The following PHACTR3 variants were observed in gnomAD, a reference collection of about 807,000 sequenced individuals.
PHACTR3 encodes protein phosphatase 1, regulatory subunit 123.
PHACTR3 carries 16 observed loss-of-function variants against 66.8 expected under a neutral mutation model. That is an observed-to-expected ratio of 0.24 (90% CI 0.16 to 0.36). The LOEUF (loss-of-function observed/expected upper bound fraction) is 0.36. Among genes scored for constraint, PHACTR3 ranks in the 10% least tolerant of loss-of-function variants. The probability of loss-of-function intolerance (pLI) is 1.00; values close to 1 mark genes in which losing one functional copy is unlikely to be tolerated. For missense variants in PHACTR3, 647 were observed against 719.9 expected, an observed-to-expected ratio of 0.90 and a Z score of 1.16; for synonymous variants, 323 against 292.1, an observed-to-expected ratio of 1.11 and a Z score of -1.08.
chr20:59,676,338 G>C (rs1446766528), intron 1 of PHACTR3, among the ~76,000 whole-genome samples: 1 of 152,200 alleles, frequency 6.6e-6, no homozygotes, highest in African/African-American at 2.4e-5. Context: ...AGTGCTGAGT[G>C]ACACGTCTCG....
chr20:59,828,399 C>T (rs56327478), intron 8 of PHACTR3, among the ~76,000 whole-genome samples: 9,249 of 152,250 alleles, frequency 0.061, 797 homozygotes, highest in African/African-American at 0.19. Flanking sequence ...TGTGCTGTGT[C>T]ACCCAATCCA....
intron 1 of PHACTR3, among the ~76,000 whole-genome samples, chr20:59,654,595 A>G (rs2035556751): frequency 6.6e-6 from 1 of 152,168 alleles, no homozygotes; most frequent in African/African-American, 2.4e-5. Flanking sequence ...CTAAAAAATT[A>G]AGCCTGAATG....
In PHACTR3 at chr20:59,780,248, G is replaced by C. The variant is rs950152336; in HGVS notation, c.1174+5758G>C. 7.8e-4 allele frequency among the ~76,000 whole-genome samples: 119 copies of C among 152,322 alleles called. 2 individuals are homozygous for C. Among genetic ancestry groups the C allele is most frequent in the African/African-American group, 2.8e-3 (118 of 41,566 alleles). ...AGGCTGCAGGCTAGGACTCACCACT[G>C]TGTCTCACCTGGGCCCATGTAAGGA... On this transcript the variant is annotated intron_variant, in intron 7 of 12. Coordinates refer to ENST00000371015, the MANE Select transcript of PHACTR3 (RefSeq NM_080672.5).
intron 1 of PHACTR3, among the ~76,000 whole-genome samples, chr20:59,579,977 G>A (rs750401980): frequency 2.0e-5 from 3 of 152,244 alleles, no homozygotes; most frequent in Non-Finnish European, 4.4e-5. Context: ...GAGAGGAAGC[G>A]CGCATTCCGT....
chr20:59,843,294 A>G (rs997221374), intron 11 of PHACTR3, among the ~76,000 whole-genome samples: 1 of 152,108 alleles, frequency 6.6e-6, no homozygotes. Flanking sequence ...AAAATGACCA[A>G]TGCAATCCCT....
In PHACTR3 at chr20:59,830,804, G is replaced by A. The variant is rs6027144; in HGVS notation, c.1329-5701G>A. Among the ~76,000 whole-genome samples the A allele has an allele frequency of 2.6e-5, 4 of 151,964 alleles. No individual in the cohort carries two copies. Among genetic ancestry groups the A allele is most frequent in the South Asian group, 2.1e-4 (1 of 4,828 alleles). ...AGGCTCAAGTAAGGGAGGGCGTGAC[G>A]CCATCACCCAGCTGGCAGGGGTCAG... On this transcript the variant is annotated intron_variant, in intron 8 of 12. Coordinates refer to ENST00000371015, the MANE Select transcript of PHACTR3 (RefSeq NM_080672.5). The surrounding 1 kb of genome is among the most constrained non-coding windows in gnomAD (Gnocchi z 5.8).
At chr20:59,607,875 G>GTT (rs1311172135) in intron 1 of PHACTR3, among the ~76,000 whole-genome samples, 1 of 152,134 alleles carries the variant, frequency 6.6e-6, no homozygotes, top group Non-Finnish European at 1.5e-5. Flanking sequence ...ATTGTTTCCA[G>GTT]TTTTTACCCA....
At chr20:59,625,312 A>C (rs2034406177) in intron 1 of PHACTR3, among the ~76,000 whole-genome samples, 1 of 151,686 alleles carries the variant, frequency 6.6e-6, no homozygotes, top group African/African-American at 2.4e-5. Context: ...TGTGGTTGGG[A>C]GGAGTGGTTG....
chr20:59,808,853 C>G (rs2041648778), intron 8 of PHACTR3, among the ~76,000 whole-genome samples: 1 of 152,188 alleles, frequency 6.6e-6, no homozygotes, highest in Non-Finnish European at 1.5e-5. Context: ...ATGTTTGGGC[C>G]CAGATCGTTC....
intron 1 of PHACTR3, among the ~76,000 whole-genome samples, chr20:59,685,874 C>T (rs2036843560): frequency 6.6e-6 from 1 of 152,222 alleles, no homozygotes; most frequent in Admixed American, 6.5e-5. Flanking sequence ...ACAACTTGCC[C>T]ATCATGAGGG....
rs570323448 is a variant in PHACTR3, at chr20:59,791,039, A to G, written c.1175-15002A>G. Among the ~76,000 whole-genome samples, 212 of 152,244 alleles carry G rather than the reference A, an allele frequency of 1.4e-3. 1 individual carries two copies. Among genetic ancestry groups the G allele is most frequent in the African/African-American group, 4.9e-3 (203 of 41,544 alleles). On this transcript the variant is annotated intron_variant, in intron 7 of 12. Transcript: ENST00000371015. ...AATTCACCAGGGAGGTGAGGGTAGA[A>G]GGAGAGCCTGGTGAGCACCTTTCAG... is the stretch of plus-strand genomic sequence containing the variant.
At chr20:59,588,075 G>A (rs999495374) in intron 1 of PHACTR3, among the ~76,000 whole-genome samples, 2 of 152,120 alleles carry the variant, frequency 1.3e-5, no homozygotes, top group Non-Finnish European at 2.9e-5. Flanking sequence ...CGGGGGTCGG[G>A]AGTCCTGAGG....
In PHACTR3 at chr20:59,613,602, G is replaced by A. The variant is rs574286214; in HGVS notation, c.118+8470G>A. 5.9e-5 allele frequency among the ~76,000 whole-genome samples: 9 copies of A among 152,314 alleles called. No individual in the cohort carries two copies. The South Asian group carries it at 1.0e-3, about 18-fold the overall frequency. ...CTACTCTAACAAGAGCAGGTTCCGCGGAAGGGGAGGGTGAGAATGACTATC... is the reference window on the plus strand; with the variant it reads ...CTACTCTAACAAGAGCAGGTTCCGCAGAAGGGGAGGGTGAGAATGACTATC... On this transcript the variant is annotated intron_variant, in intron 1 of 12. Transcript: ENST00000371015.
intron 8 of PHACTR3, among the ~76,000 whole-genome samples, chr20:59,828,779 G>A (rs542251165): frequency 2.0e-4 from 31 of 152,206 alleles, no homozygotes; most frequent in Non-Finnish European, 4.3e-4. Context: ...GGGCCTTGGA[G>A]TTTGTCCTGA....
chr20:59,577,585 A>C lies in PHACTR3; in HGVS notation c.77A>C (p.Asp26Ala), dbSNP rs765998050. 10 of 1,207,848 alleles carry C rather than the reference A, an allele frequency of 8.3e-6. 1 individual carries two copies. The South Asian group carries it at 3.7e-4, about 45-fold the overall frequency. 74.8% of individuals were successfully genotyped at this position (1,207,848 alleles called of 1,614,324 possible). A position where few individuals can be genotyped will look rare whatever the true frequency, so the allele number is the denominator to read the frequency against. ...CTGCTGGGCGCCTTCGGGGCCCGGG[A>C]CGCTGCCGCCGCCGCCCGAGATCCT... is the stretch of plus-strand genomic sequence containing the variant. The change falls in exon 1 of 13, where the codon GAC becomes GCC. Residue 26 changes from aspartate (D) to alanine (A), a missense_variant. Coordinates refer to the PHACTR3 transcript ENST00000359926.
chr20:59,653,146 C>CT (rs1398075799), intron 1 of PHACTR3, among the ~76,000 whole-genome samples: 1 of 151,320 alleles, frequency 6.6e-6, no homozygotes, highest in Non-Finnish European at 1.5e-5. Context: ...ATAATTGAAC[C>CT]TAACTATATA....
At position 59,671,765 on chromosome 20, in the gene PHACTR3, A is replaced by G. The variant is rs576558265; in HGVS notation, c.118+66633A>G. Among the ~76,000 whole-genome samples the G allele has an allele frequency of 3.4e-3, 519 of 152,346 alleles. 6 individuals are homozygous for G. Among genetic ancestry groups the G allele is most frequent in the African/African-American group, 0.012 (499 of 41,580 alleles). On this transcript the variant is annotated intron_variant, in intron 1 of 12. Transcript: ENST00000371015. ...CACTTAATGAAGGAACGGACTGGCC[A>G]TGGCTCTTGCCAGGCTGCGTGGCTG...
intron 4 of PHACTR3, among the ~76,000 whole-genome samples, chr20:59,763,503 A>G (rs1780109852): frequency 6.6e-6 from 1 of 152,208 alleles, no homozygotes; most frequent in African/African-American, 2.4e-5. Flanking sequence ...AGCAAGAGGG[A>G]AGGGAAGGCT....
intron 1 of PHACTR3, among the ~76,000 whole-genome samples, chr20:59,673,960 G>A (rs1189779978): frequency 1.3e-5 from 2 of 152,200 alleles, no homozygotes; most frequent in Non-Finnish European, 2.9e-5. Context: ...CCCTGGCAGA[G>A]CAGCCCCGAA....
Sources: allele counts gnomAD v4.1 joint callset (sites outside exome capture counted in the v4.1 genomes callset), GRCh38; gene constraint gnomAD v4.1.1; non-coding constraint Gnocchi (gnomAD v3.1); transcripts MANE v1.5; gene names NCBI Gene and HGNC (gene_info 2026-07-23, HGNC 2026-07-21).